Variants in COL22A1 observed in about 807,000 individuals in gnomAD.
COL22A1 encodes collagen alpha-1(XXII) chain.
COL22A1 carries 221 observed loss-of-function variants against 248.9 expected under a neutral mutation model. The ratio of observed to expected loss-of-function variants is 0.89; its 90% CI spans 0.80 to 0.99. COL22A1 has a LOEUF of 0.99. Among genes scored for constraint, COL22A1 ranks in the 50% least tolerant of loss-of-function variants. The pLI is 0.00. For synonymous variants in COL22A1, 891 were observed against 793.4 expected (o/e 1.12, Z -2.07); for missense variants, 2,240 against 2,179.0 (o/e 1.03, Z -0.56).
intron 4 of COL22A1, among the ~76,000 whole-genome samples, chr8:138,833,490 T>G (rs1476363976): frequency 9.2e-5 from 14 of 152,230 alleles, no homozygotes; most frequent in Non-Finnish European, 2.9e-5. Context: ...CCCAGATGTG[T>G]GCTCTTCGCT....
intron 22 of COL22A1, among the ~76,000 whole-genome samples, chr8:138,741,373 G>C (rs1192928925): frequency 6.6e-6 from 1 of 152,224 alleles, no homozygotes; most frequent in African/African-American, 2.4e-5. Flanking sequence ...GGAATTCTCT[G>C]TGTTCTTTCT....
intron 25 of COL22A1, among the ~76,000 whole-genome samples, chr8:138,724,391 C>A (rs1298776109): frequency 6.6e-6 from 1 of 152,320 alleles, no homozygotes; most frequent in Non-Finnish European, 1.5e-5. Flanking sequence ...CTAATCCGCA[C>A]CCTGGCCAGG....
intron 1 of COL22A1, among the ~76,000 whole-genome samples, chr8:138,883,823 A>G (rs1394129357): frequency 6.6e-6 from 1 of 152,036 alleles, no homozygotes; most frequent in Non-Finnish European, 1.5e-5. Context: ...AGTCAATGAA[A>G]CCTCTTTCGT....
intron 16 of COL22A1, among the ~76,000 whole-genome samples, chr8:138,764,914 C>T (rs545217928): frequency 5.9e-5 from 9 of 152,318 alleles, no homozygotes; most frequent in Middle Eastern, 3.4e-3. Flanking sequence ...CGAGATCGTG[C>T]CACTGCACTC....
intron 4 of COL22A1, among the ~76,000 whole-genome samples, chr8:138,833,536 C>T (rs986122343): frequency 3.3e-5 from 5 of 152,204 alleles, no homozygotes; most frequent in African/African-American, 1.2e-4. Context: ...CGGCCACTCA[C>T]GGCTTTCCTT....
intron 9 of COL22A1, among the ~76,000 whole-genome samples, chr8:138,810,491 G>T (rs909979922): frequency 3.9e-5 from 6 of 152,232 alleles, no homozygotes; most frequent in African/African-American, 1.4e-4. Context: ...GGCACTGTGT[G>T]CACCAGCCCT....
chr8:138,610,952 G>A (rs1818812814), intron 56 of COL22A1, among the ~76,000 whole-genome samples: 1 of 152,144 alleles, frequency 6.6e-6, no homozygotes, highest in South Asian at 2.1e-4. Flanking sequence ...TGTGGTCCCA[G>A]CTACTTGGGA....
intron 23 of COL22A1, among the ~76,000 whole-genome samples, chr8:138,729,756 G>T (rs571533922): frequency 6.6e-6 from 1 of 152,308 alleles, no homozygotes; most frequent in Non-Finnish European, 1.5e-5. Context: ...CCAGACCCTG[G>T]TCTCTTGGCC....
chr8:138,596,620 T>A (rs1425030855), intron 62 of COL22A1, among the ~76,000 whole-genome samples: 1 of 152,232 alleles, frequency 6.6e-6, no homozygotes, highest in African/African-American at 2.4e-5. Flanking sequence ...AATGGCTCAA[T>A]GCACAGAATA....
chr8:138,666,320 T>C (rs879729533), intron 41 of COL22A1, among the ~76,000 whole-genome samples: 1 of 152,174 alleles, frequency 6.6e-6, no homozygotes, highest in Non-Finnish European at 1.5e-5. Context: ...AAAGGGGACT[T>C]CCAGCTATTG....
At chr8:138,802,083 A>G (rs1817044208) in intron 11 of COL22A1, among the ~76,000 whole-genome samples, 1 of 152,148 alleles carries the variant, frequency 6.6e-6, no homozygotes, top group Non-Finnish European at 1.5e-5. Context: ...TACATGCATC[A>G]ATTTATTTAA....
intron 25 of COL22A1, among the ~76,000 whole-genome samples, chr8:138,723,846 C>T (rs1830093650): frequency 6.6e-6 from 1 of 152,176 alleles, no homozygotes; most frequent in African/African-American, 2.4e-5. Context: ...CGCCTTGATC[C>T]ACATTCTCCC....
intron 63 of COL22A1, among the ~76,000 whole-genome samples, chr8:138,593,221 G>C (rs150640907): frequency 0.068 from 10,388 of 152,010 alleles, 472 homozygotes; most frequent in South Asian, 0.15. Context: ...CTGTCGGGGG[G>C]TGGGGGTCAA....
intron 1 of COL22A1, among the ~76,000 whole-genome samples, chr8:138,906,364 C>G (rs1303424049): frequency 2.5e-5 from 1 of 40,396 alleles, no homozygotes; most frequent in African/African-American, 1.3e-4. Context: ...AGCATGACTC[C>G]GTCTCAAAAA....
At chr8:138,684,557 G>A (rs1427671669) in intron 38 of COL22A1, 88 bp from the exon 39 acceptor site, 1 of 915,968 alleles carries the variant, frequency 1.1e-6, no homozygotes, top group African/African-American at 1.6e-5. Flanking sequence ...TGCATCCTCT[G>A]CTGGGGACCC....
In COL22A1 at chr8:138,839,641, G is replaced by A. The variant is rs545305335; in HGVS notation, c.733+4443C>T. ...TGAGATGAGGGCAGGTGAGGAGGGA[G>A]GGATGGAAGAAGCAGTTGAATTGGA... On this transcript the variant is annotated intron_variant, in intron 4 of 64. Coordinates refer to ENST00000303045, the MANE Select transcript of COL22A1 (RefSeq NM_152888.3). Among the ~76,000 whole-genome samples the A allele has an allele frequency of 2.0e-5, 3 of 152,264 alleles. No homozygotes were observed. In the South Asian group the frequency reaches 6.2e-4, roughly 32 times the overall value.
At chr8:138,852,059 T>G in intron 3 of COL22A1, among the ~76,000 whole-genome samples, 1 of 148,238 alleles carries the variant, frequency 6.7e-6, no homozygotes, top group African/African-American at 2.5e-5. Context: ...ATTGGGGGAG[T>G]GATGCATGGG....
intron 12 of COL22A1, among the ~76,000 whole-genome samples, chr8:138,787,898 G>A (rs890484659): frequency 6.6e-6 from 1 of 152,116 alleles, no homozygotes; most frequent in Admixed American, 6.5e-5. Context: ...AGAGCCCCAG[G>A]GATCATCCTT....
chr8:138,745,664 G>C (rs976965932), intron 22 of COL22A1, among the ~76,000 whole-genome samples: 20 of 152,136 alleles, frequency 1.3e-4, no homozygotes, highest in African/African-American at 4.6e-4. Context: ...TAAATCTGCA[G>C]AAAATTAAAA....
Sources: gnomAD v4.1 joint callset for allele counts (sites outside exome capture counted in the v4.1 genomes callset) on GRCh38, gnomAD v4.1.1 for gene constraint, MANE v1.5 for transcripts, NCBI Gene and HGNC (gene_info 2026-07-23, HGNC 2026-07-21) for gene names.